Variants in CSF2RB observed in about 807,000 individuals in gnomAD.
CSF2RB encodes the protein colony stimulating factor 2 receptor subunit beta, also known as cytokine receptor common subunit beta.
In CSF2RB, 22 loss-of-function variants were observed where a neutral mutation model predicts 67.2. That is an observed-to-expected ratio of 0.33 (90% CI 0.23 to 0.47). The LOEUF is 0.47. CSF2RB is among the 20% of genes least tolerant of loss of function. The pLI, the probability that CSF2RB is intolerant of heterozygous loss-of-function variation, is 1.00. For missense variants in CSF2RB, 1,113 were observed against 1,174.5 expected (o/e 0.95, Z 0.76); for synonymous variants, 507 against 482.9 (o/e 1.05, Z -0.65).
intron 10 of CSF2RB, 72 bp from the exon 11 acceptor site, chr22:36,935,279 C>T (rs766786064): frequency 7.4e-5 from 106 of 1,423,830 alleles, no homozygotes; most frequent in Non-Finnish European, 1.0e-4. Flanking sequence ...ACTGCACCAA[C>T]CCCACTCCCT....
intron 4 of CSF2RB, among the ~76,000 whole-genome samples, chr22:36,927,529 G>C (rs1941044941): frequency 6.6e-6 from 1 of 152,210 alleles, no homozygotes; most frequent in South Asian, 2.1e-4. Context: ...GGATCAGAAG[G>C]GCATGGGCAG....
At position 36,938,037 on chromosome 22, in the gene CSF2RB, C is replaced by G. The variant is rs1246689294; in HGVS notation, c.2229C>G (p.Ser743Arg). ...GCCTCCCCTCAGACCAGACCCCCAG[C>G]TTATGTCCTGGGCTGGCCAGTGGAC... The part of the protein sequence containing the change: ...SLGLPSDQTP[S>R]LCPGLASGPP... The change falls in exon 14 of 14, where the codon AGC becomes AGG. Residue 743 changes from serine (S) to arginine (R), a missense_variant. Physicochemically the swap from Ser to Arg is moderately radical, Grantham distance 110. This residue lies in a region of CSF2RB where 554 missense variants were observed against 517.9 expected (regional missense o/e 1.07). Transcript: ENST00000403662. 2 of 1,614,102 alleles carry G rather than the reference C, an allele frequency of 1.2e-6. No homozygotes were observed. Among genetic ancestry groups the G allele is most frequent in the Admixed American group, 3.3e-5 (2 of 60,030 alleles).
In CSF2RB at chr22:36,935,411, C is replaced by A; in HGVS notation, c.1376C>A (p.Ala459Asp). 1 of 1,614,214 alleles carries A rather than the reference C, an allele frequency of 6.2e-7. No individual in the cohort carries two copies. The highest frequency in any genetic ancestry group is 8.5e-7 in the Non-Finnish European group (1 of 1,180,036). The change falls in exon 11 of 14, where the codon GCC becomes GAC. Residue 459 changes from alanine to aspartate, a missense_variant. Physicochemically the swap from Ala to Asp is moderately radical, Grantham distance 126 (BLOSUM62 -2). This residue lies in a region of CSF2RB where 559 missense variants were observed against 656.5 expected (regional missense o/e 0.85). Coordinates refer to ENST00000403662, the MANE Select transcript of CSF2RB (RefSeq NM_000395.3). ...VIFLTIAVLLALRFCGIYGYR... is the reference protein window; with the variant it reads ...VIFLTIAVLLDLRFCGIYGYR... ...TTCCTCACCATCGCTGTGCTCCTGG[C>A]CCTCCGCTTCTGTGGCATCTACGGG...
intron 1 of CSF2RB, 97 bp from the exon 2 acceptor site, chr22:36,921,939 G>T: frequency 1.7e-6 from 1 of 573,342 alleles, no homozygotes. Context: ...GGTCATGCAT[G>T]AGGGCCACTT....
intron 1 of CSF2RB, among the ~76,000 whole-genome samples, chr22:36,913,951 T>C (rs967420876): frequency 1.3e-5 from 2 of 151,946 alleles, no homozygotes; most frequent in Non-Finnish European, 2.9e-5. Context: ...TAGCGGGATC[T>C]GGTTGGTCCT....
rs1335520236 is a variant in CSF2RB, at chr22:36,937,701, G to C, written c.1893G>C (p.Leu631=). 1 of 1,555,010 alleles carries C rather than the reference G, an allele frequency of 6.4e-7. No individual in the cohort carries two copies. The highest frequency in any genetic ancestry group is 8.7e-7 in the Non-Finnish European group (1 of 1,149,148). Residue 631 remains leucine, a synonymous_variant, in exon 14 of 14, where the codon CTG becomes CTC. Transcript: ENST00000403662. The surrounding 1 kb of genome is among the most constrained non-coding windows in gnomAD (Gnocchi z 4.6). The stretch of plus-strand genomic sequence containing the variant: ...CAGGGTCCCTGGAGTACCTGTGTCT[G>C]CCTGCTGGGGGGCAGGTGCAACTGG... ...PPPGSLEYLC[L]PAGGQVQLVP...
At position 36,923,305 on chromosome 22, in the gene CSF2RB, G is replaced by T; in HGVS notation, c.138G>T (p.Arg46Ser). The change falls in exon 3 of 14, where the codon AGG becomes AGT. Residue 46 changes from arginine (R) to serine (S), a missense_variant. Arg to Ser is a moderately radical substitution (Grantham distance 110). Transcript: ENST00000403662. ...YNDYTSHITC[R>S]WADTQDAQRL... is the part of the protein sequence containing the mutation. ...ACTACACCAGCCACATCACCTGCAG[G>T]TGGGCAGACACCCAGGATGCCCAGC... The T allele has an allele frequency of 6.2e-7, 1 of 1,614,218 alleles. No homozygotes were observed. The highest frequency in any genetic ancestry group is 8.5e-7 in the Non-Finnish European group (1 of 1,180,036).
At chr22:36,915,327 C>T (rs1243236468) in intron 1 of CSF2RB, among the ~76,000 whole-genome samples, 5 of 152,082 alleles carry the variant, frequency 3.3e-5, no homozygotes, top group Admixed American at 6.5e-5. Context: ...TCAGATGATC[C>T]GCCTGTCTCA....
chr22:36,921,981 C>T, intron 1 of CSF2RB, 55 bp from the exon 2 acceptor site: 1 of 597,194 alleles, frequency 1.7e-6, no homozygotes, highest in Non-Finnish European at 3.0e-6. Context: ...CGGGCGGTGT[C>T]CCTGGGACAC....
In CSF2RB at chr22:36,933,725, G is replaced by T. The variant is rs574229016; in HGVS notation, c.1153-107G>T. On this transcript the variant is annotated intron_variant, in intron 9 of 13. Coordinates refer to ENST00000403662, the MANE Select transcript of CSF2RB (RefSeq NM_000395.3). ...AGAGAGAAGCCGCAGCAGGCCTGGG[G>T]TATGGCAGGAGCTAGGAGCCAGCGA... 3.8e-5 allele frequency: 55 copies of T among 1,431,630 alleles called. 1 individual carries two copies. The South Asian group carries it at 6.4e-4, about 17-fold the overall frequency. The allele number at this position is 1,431,630 out of a possible 1,614,324, so 88.7% of individuals were successfully genotyped here. A position where few individuals can be genotyped will look rare whatever the true frequency, so the allele number is the denominator to read the frequency against.
chr22:36,934,598 G>A (rs938363661), intron 10 of CSF2RB, among the ~76,000 whole-genome samples: 2 of 151,816 alleles, frequency 1.3e-5, no homozygotes, highest in Non-Finnish European at 2.9e-5. Context: ...TGGGTCCTTG[G>A]ATTGGAAGGT....
intron 3 of CSF2RB, 21 bp downstream of exon 3, chr22:36,923,388 G>A: frequency 6.2e-7 from 1 of 1,611,796 alleles, no homozygotes; most frequent in South Asian, 1.1e-5. Context: ...CTGGGGGCAG[G>A]GGCCACGGGC....
Position 36,932,855 on chromosome 22 carries a change from T to C in CSF2RB, c.1103T>C (p.Ile368Thr), listed in dbSNP as rs777077521. Reference protein sequence around the residue: ...WETMKMRYEHIDHTFEIQYRK... With the variant: ...WETMKMRYEHTDHTFEIQYRK... ...ACAATGAAAATGCGATACGAACACA[T>C]AGACCACACATTTGAGATCCAGTAC... The change falls in exon 9 of 14, where the codon ATA becomes ACA. Residue 368 changes from isoleucine (I) to threonine (T), a missense_variant. Physicochemically the swap from Ile to Thr is moderately conservative, Grantham distance 89 (BLOSUM62 -1). Coordinates refer to ENST00000403662, the MANE Select transcript of CSF2RB (RefSeq NM_000395.3). The C allele has an allele frequency of 2.5e-6, 4 of 1,613,920 alleles. No individual in the cohort carries two copies. Among genetic ancestry groups the C allele is most frequent in the African/African-American group, 2.7e-5 (2 of 74,888 alleles).
At chr22:36,927,159 C>T (rs767720588) in intron 4 of CSF2RB, among the ~76,000 whole-genome samples, 1 of 152,154 alleles carries the variant, frequency 6.6e-6, no homozygotes, top group Non-Finnish European at 1.5e-5. Flanking sequence ...GGCTTCCTGC[C>T]CTTTTTTGCC....
chr22:36,920,825 T>C (rs1232839828), intron 1 of CSF2RB, among the ~76,000 whole-genome samples: 1 of 152,226 alleles, frequency 6.6e-6, no homozygotes, highest in African/African-American at 2.4e-5. Context: ...ATTTGGGGAA[T>C]GGTGTAAAAT....
intron 1 of CSF2RB, among the ~76,000 whole-genome samples, chr22:36,917,073 T>C (rs949670308): frequency 6.6e-6 from 1 of 152,204 alleles, no homozygotes; most frequent in East Asian, 1.9e-4. Context: ...CTTTCAGTGA[T>C]GCCAACGTTT....
At position 36,936,576 on chromosome 22, in the gene CSF2RB, G is replaced by A. The variant is rs779673786; in HGVS notation, c.1492G>A (p.Gly498Ser). The A allele has an allele frequency of 6.8e-6, 11 of 1,613,170 alleles. No individual in the cohort carries two copies. The South Asian group carries it at 1.2e-4, about 18-fold the overall frequency. Residue 498 changes from glycine to serine, a missense_variant, in exon 13 of 14, where the codon GGC (glycine) becomes AGC (serine). Gly to Ser is a moderately conservative substitution (Grantham distance 56, BLOSUM62 0). This residue lies in a region of CSF2RB where 554 missense variants were observed against 517.9 expected (regional missense o/e 1.07). Coordinates refer to ENST00000403662, the MANE Select transcript of CSF2RB (RefSeq NM_000395.3). ...CGGGAGCGCAGAGCTTTGGCCCCCAGGCAGCATGTCGGCCTTCACTAGCGG... is the reference window on the plus strand; with the variant it reads ...CGGGAGCGCAGAGCTTTGGCCCCCAAGCAGCATGTCGGCCTTCACTAGCGG... The part of the protein sequence containing the change: ...QNGSAELWPP[G>S]SMSAFTSGSP...
chr22:36,936,286 T>C (rs1941264360), intron 12 of CSF2RB, among the ~76,000 whole-genome samples: 1 of 151,298 alleles, frequency 6.6e-6, no homozygotes, highest in Admixed American at 6.6e-5. Context: ...GAAATGGGGG[T>C]GAGCATGGAG....
At chr22:36,924,456 AC>A in intron 3 of CSF2RB, among the ~76,000 whole-genome samples, 1 of 151,236 alleles carries the variant, frequency 6.6e-6, no homozygotes, top group East Asian at 1.9e-4. Context: ...ACCTGCCCCA[AC>A]CCCCTCTCAG....
Sources: allele counts gnomAD v4.1 joint callset (sites outside exome capture counted in the v4.1 genomes callset), GRCh38; gene constraint gnomAD v4.1.1; regional missense constraint gnomAD v4.1.1; non-coding constraint Gnocchi (gnomAD v3.1); transcripts MANE v1.5; gene names NCBI Gene and HGNC (gene_info 2026-07-23, HGNC 2026-07-21).